The following UBOX5 variants were observed in gnomAD, a reference collection of about 807,000 sequenced individuals.
UBOX5 encodes U-box domain containing 5, also known as RING finger protein 37.
UBOX5 carries 28 observed loss-of-function variants against 39.0 expected under a neutral mutation model. That is an observed-to-expected ratio of 0.72 (90% CI 0.53 to 0.98). The LOEUF (loss-of-function observed/expected upper bound fraction) is 0.98. Ranked by LOEUF, UBOX5 falls within the 50% of genes least tolerant of loss-of-function variation. The pLI, the probability that UBOX5 is intolerant of heterozygous loss-of-function variation, is 0.00. For missense variants in UBOX5, 585 were observed against 674.4 expected (o/e 0.87, Z 1.47); for synonymous variants, 283 against 275.5 (o/e 1.03, Z -0.27).
chr20:3,130,884 C>T (rs566061586), intron 1 of UBOX5, among the ~76,000 whole-genome samples: 9 of 151,986 alleles, frequency 5.9e-5, no homozygotes, highest in Admixed American at 1.3e-4. Context: ...CCAGAACTTC[C>T]GGAATTACAC....
Position 3,146,571 on chromosome 20 carries a change from G to T in UBOX5, c.-42+13195C>A, listed in dbSNP as rs1473999178. The T allele has an allele frequency of 6.9e-6, 4 of 575,654 alleles. No homozygotes were observed. In the South Asian group the frequency reaches 7.2e-5, roughly 10 times the overall value. 35.7% of individuals were successfully genotyped at this position (575,654 alleles called of 1,614,324 possible). On this transcript the variant is annotated intron_variant, in intron 1 of 4. Transcript: ENST00000217173. ...GTTTATTATTTACTAAGAGTAACAT[G>T]TATACATTTGCAGTAATTTGTACAA... is the stretch of plus-strand genomic sequence containing the variant.
In UBOX5 at chr20:3,121,641, A is replaced by G; in HGVS notation, c.998T>C (p.Leu333Pro). 6.2e-7 allele frequency: 1 copy of G among 1,612,434 alleles called. No homozygotes were observed. The highest frequency in any genetic ancestry group is 8.5e-7 in the Non-Finnish European group (1 of 1,179,342). The stretch of plus-strand genomic sequence containing the variant: ...GTGGCAGCCAGGGATGGAGTGCTGG[A>G]GCAGGAAATGGTCAATCCGGGCCTT... ...SLKARIDHFL[L>P]QHSIPGCHLL... is the part of the protein sequence containing the mutation. Residue 333 changes from leucine to proline, a missense_variant, in exon 3 of 5, where the codon CTC becomes CCC. Leu to Pro is a moderately conservative substitution (Grantham distance 98). Coordinates refer to ENST00000217173, the MANE Select transcript of UBOX5 (RefSeq NM_014948.4).
In UBOX5 at chr20:3,121,534, C is replaced by T. The variant is rs1396676122; in HGVS notation, c.1105G>A (p.Ala369Thr). 1 of 1,612,986 alleles carries T rather than the reference C, an allele frequency of 6.2e-7. No individual in the cohort carries two copies. The highest frequency in any genetic ancestry group is 1.7e-5 in the Admixed American group (1 of 59,738). The change falls in exon 3 of 5, where the codon GCT becomes ACT. Residue 369 changes from alanine to threonine, a missense_variant. Physicochemically the swap from Ala to Thr is moderately conservative, Grantham distance 58 (BLOSUM62 0). Transcript: ENST00000217173. The part of the protein sequence containing the change: ...LPSQKRKIEQ[A>T]EHVPDSNFGV... Reference sequence around the variant, plus strand: ...AAGTTACTGTCTGGGACATGTTCAGCCTGCTCTATCTTCCTTTTCTGAGAG... The same window carrying T: ...AAGTTACTGTCTGGGACATGTTCAGTCTGCTCTATCTTCCTTTTCTGAGAG...
chr20:3,124,743 GGAGGTGAGGAGCGCCT>G (rs2066365578), intron 1 of UBOX5, among the ~76,000 whole-genome samples: 1 of 148,578 alleles, frequency 6.7e-6, no homozygotes, highest in African/African-American at 2.5e-5. Context: ...GCCCTGTCTG[GGAGGTGAGGAGCGCCT>G]CTGCCCAGCC....
rs777877253 is a variant in UBOX5, at chr20:3,147,233, A to T, written c.-42+12533T>A. On this transcript the variant is annotated intron_variant, in intron 1 of 4. Transcript: ENST00000217173. The stretch of plus-strand genomic sequence containing the variant: ...CACATGCTCAAGCCTTAATTTGGCT[A>T]CATTTTCAGCCGGCGTGGCTTCTCT... 2.5e-6 allele frequency: 4 copies of T among 1,614,224 alleles called. No homozygotes were observed. The South Asian group carries it at 4.4e-5, about 18-fold the overall frequency.
At chr20:3,158,745 A>G (rs1193284813) in intron 1 of UBOX5, among the ~76,000 whole-genome samples, 1 of 152,254 alleles carries the variant, frequency 6.6e-6, no homozygotes, top group Non-Finnish European at 1.5e-5. Context: ...AAGTGCTGGG[A>G]TTACAGGCGT....
At chr20:3,112,691 C>A (rs1028498810) in intron 4 of UBOX5, among the ~76,000 whole-genome samples, 43 of 152,324 alleles carry the variant, frequency 2.8e-4, no homozygotes, top group African/African-American at 1.0e-3. Context: ...CGGTGGCTCA[C>A]ACCTGTAATC....
rs377511660 is a variant in UBOX5 at position 3,147,017 on chromosome 20, C to A, written c.-42+12749G>T. ...TGGGGTCTGCATGCAGGCTGCGGGG[C>A]ACAGGCCAGCCATCTCCATGGCCCC... On this transcript the variant is annotated intron_variant, in intron 1 of 4. Transcript: ENST00000217173. 1.2e-6 allele frequency: 2 copies of A among 1,614,052 alleles called. No individual in the cohort carries two copies. The highest frequency in any genetic ancestry group is 2.7e-5 in the African/African-American group (2 of 74,914).
chr20:3,131,950 C>T (rs1166622925), intron 1 of UBOX5, among the ~76,000 whole-genome samples: 2 of 137,376 alleles, frequency 1.5e-5, no homozygotes, highest in African/African-American at 2.7e-5. Context: ...AGAGGTTGCA[C>T]TGAGCCGAGA....
intron 1 of UBOX5, chr20:3,148,798 CAATGTA>C (rs2066595202): frequency 3.1e-6 from 5 of 1,614,120 alleles, no homozygotes; most frequent in Non-Finnish European, 4.2e-6. Flanking sequence ...AGCCCAGCTG[CAATGTA>C]CTGGCCTTAG....
In UBOX5 at chr20:3,122,305, T is replaced by A; in HGVS notation, c.334A>T (p.Lys112Ter). ...TTGCCTACCAAGGTGAACGCCTCCT[T>A]GTCTGGGACAGATGGCTCAGCTGGG... is the stretch of plus-strand genomic sequence containing the variant. ...LGPAEPSVPDKEAFTLVGKVL... is the reference protein window; with the variant it reads ...LGPAEPSVPD Residue 112 changes from lysine to a stop codon, truncating the protein, a stop_gained, in exon 3 of 5, where the codon AAG becomes TAG. Coordinates refer to ENST00000217173, the MANE Select transcript of UBOX5 (RefSeq NM_014948.4). LOFTEE classifies it high-confidence loss of function. 6.2e-7 allele frequency: 1 copy of A among 1,614,184 alleles called. No homozygotes were observed. The highest frequency in any genetic ancestry group is 8.5e-7 in the Non-Finnish European group (1 of 1,180,022).
At chr20:3,140,839 A>C (rs2066511621) in intron 1 of UBOX5, among the ~76,000 whole-genome samples, 1 of 151,274 alleles carries the variant, frequency 6.6e-6, no homozygotes, top group Admixed American at 6.6e-5. Context: ...GCATAGTACT[A>C]ACAGTTTGTT....
chr20:3,141,165 C>T (rs1299333116), intron 1 of UBOX5, among the ~76,000 whole-genome samples: 5 of 151,666 alleles, frequency 3.3e-5, no homozygotes, highest in Non-Finnish European at 7.4e-5. Flanking sequence ...GTGATCCGCC[C>T]GCCTCAGCCT....
chr20:3,129,631 T>C (rs561312349), intron 1 of UBOX5, among the ~76,000 whole-genome samples: 65 of 152,212 alleles, frequency 4.3e-4, no homozygotes, highest in Non-Finnish European at 7.5e-4. Flanking sequence ...GAAACAGCTC[T>C]TTAAAGTCAG....
In UBOX5 at chr20:3,110,130, T is replaced by C; in HGVS notation, c.1602A>G (p.Gln534=). ...CTCAGAAGTGGACCCGCAGCACGTCTTGGCTAGCAACCGGCCGCTGGCAGG... is the reference window on the plus strand; with the variant it reads ...CTCAGAAGTGGACCCGCAGCACGTCCTGGCTAGCAACCGGCCGCTGGCAGG... The part of the protein sequence containing the change: ...CTACQRPVAS[Q]DVLRVHF The change falls in exon 5 of 5, where the codon CAA becomes CAG. Residue 534 remains glutamine (Q), a synonymous_variant. Coordinates refer to ENST00000217173, the MANE Select transcript of UBOX5 (RefSeq NM_014948.4). 5.0e-6 allele frequency: 8 copies of C among 1,612,554 alleles called. No individual in the cohort carries two copies. Among genetic ancestry groups the C allele is most frequent in the Non-Finnish European group, 6.8e-6 (8 of 1,180,002 alleles).
chr20:3,126,124 A>G (rs992980031), intron 1 of UBOX5, among the ~76,000 whole-genome samples: 9 of 152,254 alleles, frequency 5.9e-5, no homozygotes, highest in African/African-American at 2.2e-4. Flanking sequence ...GTGTCTGTGT[A>G]GAAAGTAGAC....
chr20:3,149,351 C>A lies in UBOX5; in HGVS notation c.-42+10415G>T. 1 of 414,424 alleles carries A rather than the reference C, an allele frequency of 2.4e-6. No homozygotes were observed. Among genetic ancestry groups the A allele is most frequent in the Non-Finnish European group, 4.3e-6 (1 of 231,788 alleles). The allele number at this position is 414,424 out of a possible 1,614,324, so 25.7% of individuals were successfully genotyped here. A position where few individuals can be genotyped will look rare whatever the true frequency, so the allele number is the denominator to read the frequency against. On this transcript the variant is annotated intron_variant, in intron 1 of 4. Coordinates refer to ENST00000217173, the MANE Select transcript of UBOX5 (RefSeq NM_014948.4). This position sits in a 1 kb window ranked among gnomAD's most constrained non-coding sequence, Gnocchi z 4.1. ...TAAAAAACAGGTTGAAACTACACTG[C>A]TGTCTACTCAAATAAGTTCAATGCT...
Position 3,108,023 on chromosome 20 carries a change from C to G in UBOX5, c.*2083G>C, listed in dbSNP as rs2066224314. The G allele has an allele frequency of 6.6e-6, 1 of 152,240 alleles. No individual in the cohort carries two copies. The allele number at this position is 152,240 out of a possible 1,614,324, so 9.4% of individuals were successfully genotyped here. ...TGGGTGTCAAGCTGCTGGTGGGAAG[C>G]AGGCTGTTCCCTGAGACCATGACAG... On this transcript the variant is annotated 3_prime_UTR_variant, in exon 5 of 5. Transcript: ENST00000217173.
rs371521711 is a variant in UBOX5, at chr20:3,115,291, G to A, written c.1417+14C>T. 40 of 1,605,606 alleles carry A rather than the reference G, an allele frequency of 2.5e-5. No homozygotes were observed. The highest frequency in any genetic ancestry group is 6.7e-5 in the African/African-American group (5 of 74,636). ...CATTCCAAGGCTCCAAGGAGATGGC[G>A]GGGCCCATGTTACCCGAGCCGGTGC... On this transcript the variant is annotated intron_variant, in intron 4 of 4. Coordinates refer to ENST00000217173, the MANE Select transcript of UBOX5 (RefSeq NM_014948.4).
Sources: gnomAD v4.1 joint callset for allele counts (sites outside exome capture counted in the v4.1 genomes callset) on GRCh38, gnomAD v4.1.1 for gene constraint, Gnocchi (gnomAD v3.1) non-coding constraint, MANE v1.5 for transcripts, NCBI Gene and HGNC (gene_info 2026-07-23, HGNC 2026-07-21) for gene names.